RORA: variants seen among roughly 807,000 people sequenced by gnomAD.
RORA encodes the protein nuclear receptor ROR-alpha.
A neutral mutation model predicts 69.5 loss-of-function variants in RORA; 7 were observed. The ratio of observed to expected loss-of-function variants is 0.10; its 90% CI spans 0.06 to 0.19. The LOEUF (loss-of-function observed/expected upper bound fraction) is 0.19. Among genes scored for constraint, RORA ranks in the 10% least tolerant of loss-of-function variants. The pLI, the probability that RORA is intolerant of heterozygous loss-of-function variation, is 1.00. For missense variants in RORA, 457 were observed against 663.0 expected (o/e 0.69, Z 3.41); for synonymous variants, 261 against 240.8 (o/e 1.08, Z -0.78).
chr15:60,629,574 G>A (rs2069687448), intron 2 of RORA, among the ~76,000 whole-genome samples: 1 of 152,214 alleles, frequency 6.6e-6, no homozygotes, highest in African/African-American at 2.4e-5. Context: ...ACAGTGACAA[G>A]AAGATATGTG....
chr15:60,864,657 A>C (rs1167039771), intron 1 of RORA, among the ~76,000 whole-genome samples: 1 of 152,244 alleles, frequency 6.6e-6, no homozygotes, highest in African/African-American at 2.4e-5. Flanking sequence ...ATGGGTAAGT[A>C]ACTCAGGAAC....
chr15:61,222,356 A>T (rs2080105802), intron 1 of RORA, among the ~76,000 whole-genome samples: 1 of 152,246 alleles, frequency 6.6e-6, no homozygotes, highest in Non-Finnish European at 1.5e-5. Flanking sequence ...AAGGCCATAC[A>T]AATATGTTAG....
chr15:60,710,326 T>G (rs2071125889), intron 1 of RORA, among the ~76,000 whole-genome samples: 1 of 151,998 alleles, frequency 6.6e-6, no homozygotes, highest in Non-Finnish European at 1.5e-5. Context: ...CCATCTCTAC[T>G]AAAAATACAA....
chr15:60,960,812 C>T (rs1330715393), intron 1 of RORA, among the ~76,000 whole-genome samples: 1 of 152,162 alleles, frequency 6.6e-6, no homozygotes, highest in Non-Finnish European at 1.5e-5. Context: ...CTCCCTGCAT[C>T]ACCACCATCA....
chr15:60,819,366 C>G (rs994921296), intron 1 of RORA, among the ~76,000 whole-genome samples: 1 of 152,100 alleles, frequency 6.6e-6, no homozygotes, highest in African/African-American at 2.4e-5. Context: ...GTCAAGGCTT[C>G]GAAACACCAT....
intron 1 of RORA, among the ~76,000 whole-genome samples, chr15:60,793,758 G>A (rs2072450587): frequency 6.6e-6 from 1 of 152,210 alleles, no homozygotes; most frequent in Admixed American, 6.5e-5. Flanking sequence ...GCTTTCTGGT[G>A]ATTTGCCACA....
intron 1 of RORA, among the ~76,000 whole-genome samples, chr15:60,729,362 A>G (rs1246186100): frequency 6.6e-6 from 1 of 152,150 alleles, no homozygotes; most frequent in Non-Finnish European, 1.5e-5. Flanking sequence ...TGTCCTGGAG[A>G]TGAGTCTTTA....
At chr15:60,735,746 T>A (rs2071488421) in intron 1 of RORA, among the ~76,000 whole-genome samples, 3 of 152,084 alleles carry the variant, frequency 2.0e-5, no homozygotes, top group Non-Finnish European at 4.4e-5. Context: ...ACAAGGCAGT[T>A]TGGCAGGAAA....
At chr15:60,960,913 G>A (rs1893399130) in intron 1 of RORA, among the ~76,000 whole-genome samples, 1 of 152,124 alleles carries the variant, frequency 6.6e-6, no homozygotes, top group Admixed American at 6.5e-5. Context: ...TCATTCCCAT[G>A]TCATAACTGG....
chr15:61,113,776 C>A (rs1209151729), intron 1 of RORA, among the ~76,000 whole-genome samples: 1 of 152,206 alleles, frequency 6.6e-6, no homozygotes, highest in East Asian at 1.9e-4. Flanking sequence ...TTGGTTTGGT[C>A]TGCTTACCAG....
rs370697254 is a variant in RORA at position 60,995,073 on chromosome 15, T to C, written c.166+233980A>G. On this transcript the variant is annotated intron_variant, in intron 1 of 10. Transcript: ENST00000335670. ...AAAGGAAAAGATTGTTATAAAAAGA[T>C]TTTTAAAAAAAGAAGAAGAAGAAGA... Among the ~76,000 whole-genome samples the C allele has an allele frequency of 3.0e-3, 461 of 152,132 alleles. 2 individuals are homozygous for C. Among genetic ancestry groups the C allele is most frequent in the African/African-American group, 0.01 (420 of 41,494 alleles).
chr15:61,057,266 A>G (rs565567167), intron 1 of RORA, among the ~76,000 whole-genome samples: 70 of 152,370 alleles, frequency 4.6e-4, no homozygotes, highest in African/African-American at 1.7e-3. Flanking sequence ...ACTTCATTAT[A>G]CCTGGCTTTT....
At chr15:60,997,657 T>C (rs540608815) in intron 1 of RORA, among the ~76,000 whole-genome samples, 1 of 152,206 alleles carries the variant, frequency 6.6e-6, no homozygotes, top group Non-Finnish European at 1.5e-5. Flanking sequence ...ATGTATATCT[T>C]CCACATGATA....
intron 1 of RORA, among the ~76,000 whole-genome samples, chr15:61,191,702 G>C (rs552082511): frequency 6.6e-6 from 1 of 152,150 alleles, no homozygotes; most frequent in Non-Finnish European, 1.5e-5. Context: ...TCATGCAGAC[G>C]CAGCACACAT....
chr15:60,495,290 T>C lies in RORA; in HGVS notation c.*2165A>G, dbSNP rs990915689. On this transcript the variant is annotated 3_prime_UTR_variant, in exon 11 of 11. Coordinates refer to ENST00000335670, the MANE Select transcript of RORA (RefSeq NM_134261.3). The stretch of plus-strand genomic sequence containing the variant: ...AATTAAAGATTTGATTTAACCCTTC[T>C]TGCCCCAATATAAATACTATATGCT... The C allele has an allele frequency of 6.6e-6, 1 of 152,220 alleles. No individual in the cohort carries two copies. The highest frequency in any genetic ancestry group is 1.5e-5 in the Non-Finnish European group (1 of 68,046). The allele number at this position is 152,220 out of a possible 1,614,324, so 9.4% of individuals were successfully genotyped here.
intron 1 of RORA, among the ~76,000 whole-genome samples, chr15:60,704,996 A>T: frequency 6.6e-6 from 1 of 152,198 alleles, no homozygotes; most frequent in East Asian, 1.9e-4. Flanking sequence ...AGGGTTGGCA[A>T]TGCTTTTCGT....
At chr15:60,943,318 T>A (rs1019767171) in intron 1 of RORA, among the ~76,000 whole-genome samples, 4 of 152,174 alleles carry the variant, frequency 2.6e-5, no homozygotes, top group Non-Finnish European at 5.9e-5. Context: ...TTTTTTTTTT[T>A]TTCACTTTTA....
chr15:61,115,916 C>T lies in RORA; in HGVS notation c.166+113137G>A, dbSNP rs118006376. Among the ~76,000 whole-genome samples, 648 of 152,200 alleles carry T rather than the reference C, an allele frequency of 4.3e-3. 4 individuals carry two copies. Among genetic ancestry groups the T allele is most frequent in the Non-Finnish European group, 7.7e-3 (526 of 68,010 alleles). The stretch of plus-strand genomic sequence containing the variant: ...TTCGCACTGGCAGAGAGGAAAGCTA[C>T]GTGGGTAGGGCAGAAAAAAGTGAGC... On this transcript the variant is annotated intron_variant, in intron 1 of 10. Coordinates refer to ENST00000335670, the MANE Select transcript of RORA (RefSeq NM_134261.3).
intron 1 of RORA, among the ~76,000 whole-genome samples, chr15:60,915,920 A>G (rs1264086853): frequency 6.6e-6 from 1 of 152,234 alleles, no homozygotes; most frequent in Non-Finnish European, 1.5e-5. Flanking sequence ...AGCACTTAGC[A>G]CATTGCGCTT....
Sources: allele counts gnomAD v4.1 joint callset (sites outside exome capture counted in the v4.1 genomes callset), GRCh38; gene constraint gnomAD v4.1.1; transcripts MANE v1.5; gene names NCBI Gene and HGNC (gene_info 2026-07-23, HGNC 2026-07-21).